Variants in MYO7A observed in about 807,000 individuals in gnomAD.
MYO7A encodes unconventional myosin-VIIa.
MYO7A carries 210 observed loss-of-function variants against 263.8 expected under a neutral mutation model. The ratio of observed to expected loss-of-function variants is 0.80; its 90% CI spans 0.71 to 0.89. The LOEUF is 0.89. MYO7A is among the 40% of genes least tolerant of loss of function. MYO7A has a pLI of 0.00. For synonymous variants in MYO7A, 1,239 were observed against 1,197.3 expected (o/e 1.03, Z -0.72); for missense variants, 2,820 against 2,968.3 (o/e 0.95, Z 1.16).
intron 31 of MYO7A, among the ~76,000 whole-genome samples, chr11:77,192,998 A>G (rs1956270034): frequency 3.9e-5 from 4 of 102,874 alleles, no homozygotes; most frequent in South Asian, 2.9e-4. Context: ...GGAGGTAGTG[A>G]TGCTGTTGGT....
At position 77,190,826 on chromosome 11, in the gene MYO7A, A is replaced by G; in HGVS notation, c.3880A>G (p.Lys1294Glu). 4 of 1,589,182 alleles carry G rather than the reference A, an allele frequency of 2.5e-6. No homozygotes were observed. Among genetic ancestry groups the G allele is most frequent in the Non-Finnish European group, 3.4e-6 (4 of 1,168,390 alleles). Residue 1294 changes from lysine to glutamate, a missense_variant, in exon 30 of 49, where the codon AAG becomes GAG. Transcript: ENST00000409709. ...CGCGCTGGCCGACAAGATCTCTCTC[A>G]AGGACCGGTTCGGGTTCTCCCTCTA... ...CNALADKISL[K>E]DRFGFSLYIA...
intron 27 of MYO7A, among the ~76,000 whole-genome samples, chr11:77,188,236 G>A (rs552348649): frequency 6.6e-6 from 1 of 152,204 alleles, no homozygotes; most frequent in Non-Finnish European, 1.5e-5. Flanking sequence ...CTAGTCTGTG[G>A]CAAGGTGGGA....
chr11:77,169,071 TA>T (rs1466847276), intron 15 of MYO7A, among the ~76,000 whole-genome samples: 1 of 152,260 alleles, frequency 6.6e-6, no homozygotes, highest in Non-Finnish European at 1.5e-5. Flanking sequence ...GATGGCTTTT[TA>T]AAAGGAAGAT....
At chr11:77,161,715 C>T (rs1555068913) in intron 12 of MYO7A, among the ~76,000 whole-genome samples, 1 of 152,216 alleles carries the variant, frequency 6.6e-6, no homozygotes, top group African/African-American at 2.4e-5. Context: ...GTCTTGTCAA[C>T]CCCCTTCCCA....
intron 3 of MYO7A, among the ~76,000 whole-genome samples, chr11:77,144,357 G>T (rs1951424137): frequency 6.6e-6 from 1 of 152,170 alleles, no homozygotes. Flanking sequence ...GGGGACCAGG[G>T]ACTCTGTCTG....
Position 77,160,166 on chromosome 11 carries a change from AAC to A in MYO7A, c.1085_1086del (p.Asn362ThrfsTer10), listed in dbSNP as rs1591286221. On this transcript the variant is annotated frameshift_variant, in exon 11 of 49. Transcript: ENST00000409709. LOFTEE classifies it high-confidence loss of function. ...CCTGGGGTGTTGCCTGTACCAGGTG[AAC>A]CCCCCAGACCTGATGAGCTGCCTGA... is the stretch of plus-strand genomic sequence containing the variant. Reference protein sequence around the residue: ...LATAASLLEVNPPDLMSCLTS... With the variant: ...LATAASLLEVXPPDLMSCLTS... 1 of 1,558,530 alleles carries A rather than the reference AAC, an allele frequency of 6.4e-7. No individual in the cohort carries two copies. The highest frequency in any genetic ancestry group is 8.7e-7 in the Non-Finnish European group (1 of 1,151,994).
chr11:77,141,007 G>T (rs1951176661), intron 2 of MYO7A, among the ~76,000 whole-genome samples: 1 of 152,150 alleles, frequency 6.6e-6, no homozygotes, highest in South Asian at 2.1e-4. Context: ...TGTATGTTTA[G>T]ATATGTTTAC....
intron 3 of MYO7A, 44 bp downstream of exon 3, chr11:77,142,866 G>C: frequency 6.8e-7 from 1 of 1,461,134 alleles, no homozygotes; most frequent in South Asian, 1.2e-5. Flanking sequence ...CTTGGGGTCA[G>C]ACCTGGGCTG....
chr11:77,202,358 G>T lies in MYO7A; in HGVS notation c.5102G>T (p.Arg1701Leu). The change falls in exon 37 of 49, where the codon CGA becomes CTA. Residue 1701 changes from arginine to leucine, a missense_variant. Coordinates refer to ENST00000409709, the MANE Select transcript of MYO7A (RefSeq NM_000260.4). The part of the protein sequence containing the change: ...RQDVVRLLQL[R>L]TAEPEVRAKP... ...GACGTTGTCCGGCTCTTGCAGCTGC[G>T]AACGGCGGAGCCCGAGGTGCGTGCC... 6.4e-7 allele frequency: 1 copy of T among 1,569,408 alleles called. No individual in the cohort carries two copies. The highest frequency in any genetic ancestry group is 8.6e-7 in the Non-Finnish European group (1 of 1,156,578).
At chr11:77,157,940 C>T (rs975103128) in intron 8 of MYO7A, among the ~76,000 whole-genome samples, 2 of 152,128 alleles carry the variant, frequency 1.3e-5, no homozygotes, top group African/African-American at 2.4e-5. Context: ...TGGGTATCCC[C>T]GGGGGGCTGC....
At chr11:77,194,309 G>A (rs1245265759) in intron 31 of MYO7A, 45 bp from the exon 32 acceptor site, 1 of 1,583,932 alleles carries the variant, frequency 6.3e-7, no homozygotes. Context: ...AGGGCTTCCT[G>A]GAGGGGCCTG....
At chr11:77,196,227 C>T (rs1014156274) in intron 32 of MYO7A, among the ~76,000 whole-genome samples, 3 of 152,128 alleles carry the variant, frequency 2.0e-5, no homozygotes, top group African/African-American at 7.2e-5. Flanking sequence ...ATTCACCAGG[C>T]GTGGTGGTGG....
Position 77,177,724 on chromosome 11 carries a change from C to T in MYO7A, c.2282+81C>T, listed in dbSNP as rs953113443. 25 of 1,165,218 alleles carry T rather than the reference C, an allele frequency of 2.1e-5. No homozygotes were observed. The Middle Eastern group carries it at 3.1e-3, about 143-fold the overall frequency. The allele number at this position is 1,165,218 out of a possible 1,614,324, so 72.2% of individuals were successfully genotyped here. ...GTGTTTGGCTCTCCTCTGCTCTGCC[C>T]GCATGAACACTAGGAAAAAAACGTG... On this transcript the variant is annotated intron_variant, in intron 19 of 48. Coordinates refer to ENST00000409709, the MANE Select transcript of MYO7A (RefSeq NM_000260.4).
intron 31 of MYO7A, among the ~76,000 whole-genome samples, chr11:77,192,877 ATGG>A (rs1565441576): frequency 8.0e-6 from 1 of 124,760 alleles, no homozygotes; most frequent in Non-Finnish European, 1.7e-5. Flanking sequence ...GATGGTGGTG[ATGG>A]TGGAGGAGGT....
At position 77,160,153 on chromosome 11, in the gene MYO7A, C is replaced by T. The variant is rs1555067397; in HGVS notation, c.1081-10C>T. 6.4e-7 allele frequency: 1 copy of T among 1,552,510 alleles called. No homozygotes were observed. The highest frequency in any genetic ancestry group is 8.7e-7 in the Non-Finnish European group (1 of 1,148,680). ...TGGCAGGTGAGCACCTGGGGTGTTG[C>T]CTGTACCAGGTGAACCCCCCAGACC... On this transcript the variant is annotated splice_polypyrimidine_tract_variant and intron_variant, in intron 10 of 48. Transcript: ENST00000409709.
At position 77,156,738 on chromosome 11, in the gene MYO7A, G is replaced by A. The variant is rs188198404; in HGVS notation, c.549G>A (p.Ser183=). The A allele has an allele frequency of 1.8e-4, 287 of 1,614,020 alleles. No homozygotes were observed. In the Middle Eastern group the frequency reaches 2.0e-3, roughly 11 times the overall value. The change falls in exon 6 of 49, where the codon TCG becomes TCA. Residue 183 remains serine, a synonymous_variant. Transcript: ENST00000409709. The stretch of plus-strand genomic sequence containing the variant: ...TGGCAGCCATCAGTGGGCAGCACTC[G>A]TGGATTGAGCAGCAGGTCTTGGAGG... ...QFLAAISGQH[S]WIEQQVLEAT... is the part of the protein sequence containing the mutation.
intron 14 of MYO7A, among the ~76,000 whole-genome samples, chr11:77,165,146 C>T: frequency 6.6e-6 from 1 of 152,210 alleles, no homozygotes; most frequent in East Asian, 1.9e-4. Flanking sequence ...AACTGCAAAG[C>T]CCACCCTCCA....
rs782059825 is a variant in MYO7A at position 77,182,011 on chromosome 11, CCTG to C, written c.2966_2968del (p.Pro989_Asp990delinsHis). ...GGACCTGGATGCAGCCCTGCCCCTG[CCTG>C]ACGAGGATGAGGAGGACCTCTCTGA... is the stretch of plus-strand genomic sequence containing the variant. On this transcript the variant is annotated inframe_deletion, in exon 24 of 49. Transcript: ENST00000409709. 1 of 1,613,366 alleles carries C rather than the reference CCTG, an allele frequency of 6.2e-7. No homozygotes were observed. The highest frequency in any genetic ancestry group is 8.5e-7 in the Non-Finnish European group (1 of 1,179,804).
At chr11:77,178,183 ACCCACC>A (rs1954805797) in intron 19 of MYO7A, among the ~76,000 whole-genome samples, 1 of 149,414 alleles carries the variant, frequency 6.7e-6, no homozygotes, top group African/African-American at 2.5e-5. Flanking sequence ...CCGTTCACCC[ACCCACC>A]TACCCATCCA....
Sources: allele counts gnomAD v4.1 joint callset (sites outside exome capture counted in the v4.1 genomes callset), GRCh38; gene constraint gnomAD v4.1.1; transcripts MANE v1.5; gene names NCBI Gene and HGNC (gene_info 2026-07-23, HGNC 2026-07-21).